Variants in KCNH1 observed in about 807,000 individuals in gnomAD.
KCNH1 encodes the protein voltage-gated delayed rectifier potassium channel KCNH1.
KCNH1 carries 27 observed loss-of-function variants against 69.2 expected under a neutral mutation model. That is an observed-to-expected ratio of 0.39 (90% CI 0.29 to 0.54). The LOEUF (loss-of-function observed/expected upper bound fraction) is 0.54, where lower values mean the gene tolerates loss of function less well. Among genes scored for constraint, KCNH1 ranks in the 20% least tolerant of loss-of-function variants. The probability of loss-of-function intolerance (pLI) is 0.68; values close to 1 mark genes in which losing one functional copy is unlikely to be tolerated. For missense variants in KCNH1, 798 were observed against 1,261.6 expected, an observed-to-expected ratio of 0.63 and a Z score of 5.57; for synonymous variants, 456 against 487.7, an observed-to-expected ratio of 0.93 and a Z score of 0.86.
intron 6 of KCNH1, among the ~76,000 whole-genome samples, chr1:211,000,218 A>G (rs192261257): frequency 2.0e-5 from 3 of 152,308 alleles, no homozygotes; most frequent in Non-Finnish European, 2.9e-5. Context: ...GAGGAAGTCA[A>G]ATTGTCCCTG....
intron 6 of KCNH1, among the ~76,000 whole-genome samples, chr1:210,962,999 A>G (rs1688326602): frequency 6.6e-6 from 1 of 151,538 alleles, no homozygotes; most frequent in South Asian, 2.1e-4. Context: ...CTATTAATTT[A>G]CTGGGTTCTT....
In KCNH1 at chr1:210,944,154, C is replaced by T. The variant is rs1391636902; in HGVS notation, c.1033-24085G>A. Among the ~76,000 whole-genome samples, 6 of 152,322 alleles carry T rather than the reference C, an allele frequency of 3.9e-5. No homozygotes were observed. In the South Asian group the frequency reaches 1.2e-3, roughly 32 times the overall value. On this transcript the variant is annotated intron_variant, in intron 6 of 10. Coordinates refer to ENST00000271751, the MANE Select transcript of KCNH1 (RefSeq NM_172362.3). The stretch of plus-strand genomic sequence containing the variant: ...ACTCTGCAGTTCCCCCAACTCTTAC[C>T]TGGATCATAGAACTATTATGAGTCT...
intron 9 of KCNH1, among the ~76,000 whole-genome samples, chr1:210,785,966 T>C (rs757720907): frequency 1.8e-4 from 27 of 152,158 alleles, no homozygotes; most frequent in Non-Finnish European, 2.9e-4. Flanking sequence ...ATAAAGCACA[T>C]TCTCTAATAT....
At chr1:210,812,680 C>T (rs1366344461) in intron 7 of KCNH1, among the ~76,000 whole-genome samples, 1 of 152,200 alleles carries the variant, frequency 6.6e-6, no homozygotes, top group Non-Finnish European at 1.5e-5. Context: ...GTGTCATTAA[C>T]ACATACATTA....
chr1:210,753,134 A>C (rs1182469517), intron 10 of KCNH1, among the ~76,000 whole-genome samples: 1 of 152,162 alleles, frequency 6.6e-6, no homozygotes, highest in East Asian at 1.9e-4. Flanking sequence ...TGAGAGAATA[A>C]ATTTATGTTG....
intron 7 of KCNH1, chr1:210,861,619 T>C (rs950221859): frequency 2.6e-6 from 2 of 771,002 alleles, no homozygotes; most frequent in Non-Finnish European, 4.8e-6. Flanking sequence ...GTATAGAGTA[T>C]AGAGTATATA....
chr1:210,824,103 C>T (rs1409252621), intron 7 of KCNH1, among the ~76,000 whole-genome samples: 1 of 152,092 alleles, frequency 6.6e-6, no homozygotes, highest in Non-Finnish European at 1.5e-5. Flanking sequence ...ACCCCGACCT[C>T]TTGCTCAGGT....
At chr1:210,983,711 C>T (rs1482955250) in intron 6 of KCNH1, among the ~76,000 whole-genome samples, 2 of 152,174 alleles carry the variant, frequency 1.3e-5, no homozygotes, top group Non-Finnish European at 2.9e-5. Flanking sequence ...AGCGTGATGT[C>T]TCCAGCTTTG....
chr1:210,836,562 A>C (rs1685287364), intron 7 of KCNH1, among the ~76,000 whole-genome samples: 1 of 152,156 alleles, frequency 6.6e-6, no homozygotes, highest in Admixed American at 6.6e-5. Flanking sequence ...CCAAAAAAAG[A>C]GGTCTAGACT....
chr1:210,827,774 T>C (rs556432191), intron 7 of KCNH1, among the ~76,000 whole-genome samples: 10 of 152,312 alleles, frequency 6.6e-5, no homozygotes, highest in Admixed American at 3.9e-4. Flanking sequence ...CCAGCTCCAA[T>C]AGTCATTGCC....
At chr1:210,865,450 G>T (rs1178618679) in intron 7 of KCNH1, among the ~76,000 whole-genome samples, 1 of 152,046 alleles carries the variant, frequency 6.6e-6, no homozygotes, top group Non-Finnish European at 1.5e-5. Context: ...AAAGCTCATA[G>T]TCTTTAGAGA....
intron 7 of KCNH1, among the ~76,000 whole-genome samples, chr1:210,878,464 T>C (rs1325521065): frequency 2.0e-5 from 3 of 152,004 alleles, no homozygotes; most frequent in Non-Finnish European, 4.4e-5. Flanking sequence ...GATCACACAA[T>C]AGAATTAAAC....
At chr1:210,806,806 CCAAAAAAAAA>C (rs1226422228) in intron 7 of KCNH1, among the ~76,000 whole-genome samples, 902 of 86,202 alleles carry the variant, frequency 0.01, 86 homozygotes, top group African/African-American at 0.033. Context: ...CCCATCTCTA[CCAAAAAAAAA>C]AAAAAAAAAA....
At chr1:211,122,080 G>A (rs1691696271) in intron 1 of KCNH1, among the ~76,000 whole-genome samples, 2 of 152,062 alleles carry the variant, frequency 1.3e-5, no homozygotes, top group Admixed American at 1.3e-4. Context: ...GGGGCTTGCA[G>A]TGAGCCAAGA....
chr1:210,731,942 G>T (rs1168231740), intron 10 of KCNH1, among the ~76,000 whole-genome samples: 2 of 152,142 alleles, frequency 1.3e-5, no homozygotes, highest in Non-Finnish European at 2.9e-5. Context: ...GTGCAAAGCT[G>T]ACATGTTAGG....
At chr1:211,082,995 C>T in intron 4 of KCNH1, 97 bp from the exon 5 acceptor site, 1 of 927,032 alleles carries the variant, frequency 1.1e-6, no homozygotes, top group Non-Finnish European at 1.7e-6. Flanking sequence ...ACAGACACCT[C>T]CAATGCCCTC....
At chr1:211,002,291 T>A (rs1047506271) in intron 6 of KCNH1, among the ~76,000 whole-genome samples, 1 of 147,004 alleles carries the variant, frequency 6.8e-6, no homozygotes, top group Non-Finnish European at 1.5e-5. Flanking sequence ...TATGTATACA[T>A]GTATATATGT....
At chr1:211,074,632 C>T (rs1690701561) in intron 5 of KCNH1, among the ~76,000 whole-genome samples, 1 of 152,246 alleles carries the variant, frequency 6.6e-6, no homozygotes, top group East Asian at 1.9e-4. Flanking sequence ...TATGCTGTGG[C>T]ACTCAGGTAT....
intron 7 of KCNH1, among the ~76,000 whole-genome samples, chr1:210,864,558 C>T (rs1891660): frequency 1 from 152,060 of 152,284 alleles, 75,918 homozygotes; most frequent in Middle Eastern, 1. Flanking sequence ...GATGGTAACC[C>T]TAAGGGTTTG....
Sources: allele counts gnomAD v4.1 joint callset (sites outside exome capture counted in the v4.1 genomes callset), GRCh38; gene constraint gnomAD v4.1.1; transcripts MANE v1.5; gene names NCBI Gene and HGNC (gene_info 2026-07-23, HGNC 2026-07-21).